DSG4: variants seen among roughly 807,000 people sequenced by gnomAD.
DSG4 encodes desmoglein 4, also known as desmoglein-4.
In DSG4, 87 loss-of-function variants were observed where a neutral mutation model predicts 93.1. The ratio of observed to expected loss-of-function variants is 0.93; its 90% confidence interval spans 0.79 to 1.12. The LOEUF is 1.12. DSG4 is among the 50% of genes most tolerant of loss of function. The probability of loss-of-function intolerance (pLI) is 0.00; values close to 1 mark genes in which losing one functional copy is unlikely to be tolerated. For missense variants in DSG4, 1,373 were observed against 1,285.7 expected (o/e 1.07, Z -1.04); for synonymous variants, 432 against 452.9 (o/e 0.95, Z 0.59).
chr18:31,378,336 C>A lies in DSG4; in HGVS notation c.48+1377C>A, dbSNP rs139206371. ...AATAGTAAGTTATGAGGATATACCT[C>A]TTGTTACTCTTCTACCGAGTATATT... On this transcript the variant is annotated intron_variant, in intron 1 of 15. Coordinates refer to ENST00000308128, the MANE Select transcript of DSG4 (RefSeq NM_177986.5). 1.5e-3 allele frequency among the ~76,000 whole-genome samples: 235 copies of A among 152,280 alleles called. 2 individuals are homozygous for A. Among genetic ancestry groups the A allele is most frequent in the African/African-American group, 5.2e-3 (217 of 41,556 alleles).
At chr18:31,405,547 T>C (rs1028357597) in intron 11 of DSG4, among the ~76,000 whole-genome samples, 1 of 151,818 alleles carries the variant, frequency 6.6e-6, no homozygotes, top group African/African-American at 2.4e-5. Context: ...GCAATACTTA[T>C]TTAAAAATTA....
At chr18:31,390,937 T>C in intron 6 of DSG4, 115 bp downstream of exon 6, 2 of 1,497,784 alleles carry the variant, frequency 1.3e-6, no homozygotes, top group South Asian at 2.5e-5. Flanking sequence ...AAATAATCCA[T>C]TTTTAATAAA....
intron 12 of DSG4, 60 bp downstream of exon 12, chr18:31,406,433 C>T: frequency 1.2e-6 from 2 of 1,602,996 alleles, no homozygotes; most frequent in Non-Finnish European, 8.5e-7. Context: ...TGTTACGAGG[C>T]TCGCTGGGAT....
At chr18:31,412,765 T>G in intron 15 of DSG4, 63 bp from the exon 16 acceptor site, 1 of 1,566,398 alleles carries the variant, frequency 6.4e-7, no homozygotes, top group South Asian at 1.1e-5. Context: ...GAGGGATTGC[T>G]GTTATTCTTC....
At chr18:31,405,898 A>T (rs1177293224) in intron 11 of DSG4, among the ~76,000 whole-genome samples, 179 bp from the exon 12 acceptor site, 1 of 128,980 alleles carries the variant, frequency 7.8e-6, no homozygotes, top group Non-Finnish European at 1.7e-5. Flanking sequence ...AATAACAAGA[A>T]TAATAATAAT....
At position 31,413,546 on chromosome 18, in the gene DSG4, C is replaced by A. The variant is rs1376598112; in HGVS notation, c.3074C>A (p.Ser1025Tyr). ...GTTGGCTCCACATCCCCCATGACATCTCGACACAGAGTAACACGATACAGT... is the reference window on the plus strand; with the variant it reads ...GTTGGCTCCACATCCCCCATGACATATCGACACAGAGTAACACGATACAGT... Reference protein sequence around the residue: ...QTVGSTSPMTSRHRVTRYSNI... With the variant: ...QTVGSTSPMTYRHRVTRYSNI... Residue 1025 changes from serine to tyrosine, a missense_variant, in exon 16 of 16, where the codon TCT (serine) becomes TAT (tyrosine). Transcript: ENST00000308128. 1 of 1,614,100 alleles carries A rather than the reference C, an allele frequency of 6.2e-7. No individual in the cohort carries two copies. Among genetic ancestry groups the A allele is most frequent in the Non-Finnish European group, 8.5e-7 (1 of 1,180,020 alleles).
intron 4 of DSG4, 69 bp downstream of exon 4, chr18:31,388,591 T>G: frequency 1.3e-6 from 2 of 1,579,560 alleles, no homozygotes; most frequent in Non-Finnish European, 1.7e-6. Context: ...AATATTATCT[T>G]AAGATAATGG....
chr18:31,390,151 G>A (rs796764175), intron 5 of DSG4, among the ~76,000 whole-genome samples: 2 of 152,126 alleles, frequency 1.3e-5, no homozygotes, highest in Non-Finnish European at 2.9e-5. Flanking sequence ...ATTTGTGACT[G>A]TTTGGTAAAA....
chr18:31,385,252 G>C, intron 2 of DSG4, 81 bp downstream of exon 2: 1 of 1,002,180 alleles, frequency 1.0e-6, no homozygotes, highest in African/African-American at 1.6e-5. Context: ...ATAAAAATCA[G>C]AATATTTGAA....
intron 8 of DSG4, among the ~76,000 whole-genome samples, chr18:31,395,271 TAA>T (rs10708419): frequency 7.8e-4 from 102 of 130,116 alleles, no homozygotes; most frequent in Admixed American, 3.8e-3. Context: ...ACTTAATTGC[TAA>T]AAAAAAAAAA....
intron 2 of DSG4, among the ~76,000 whole-genome samples, chr18:31,386,322 C>T (rs1231842242): frequency 2.0e-5 from 3 of 152,068 alleles, no homozygotes; most frequent in Non-Finnish European, 4.4e-5. Flanking sequence ...ACTCTGCAGT[C>T]TGTAAATTCT....
rs1322450379 is a variant in DSG4 at position 31,388,415 on chromosome 18, G to A, written c.265G>A (p.Gly89Arg). The stretch of plus-strand genomic sequence containing the variant: ...CCAGAAGATAACATACCGGATTTCT[G>A]GAGTAGGGATTGATCGACCACCATA... Reference protein sequence around the residue: ...SNQKITYRISGVGIDRPPYGV... With the variant: ...SNQKITYRISRVGIDRPPYGV... The change falls in exon 4 of 16, where the codon GGA becomes AGA. Residue 89 changes from glycine to arginine, a missense_variant. Coordinates refer to ENST00000308128, the MANE Select transcript of DSG4 (RefSeq NM_177986.5). 1 of 1,613,494 alleles carries A rather than the reference G, an allele frequency of 6.2e-7. No individual in the cohort carries two copies.
chr18:31,411,563 C>A, intron 15 of DSG4, 115 bp downstream of exon 15: 1 of 1,242,578 alleles, frequency 8.0e-7, no homozygotes, highest in Non-Finnish European at 1.1e-6. Flanking sequence ...TCAACCCTAT[C>A]CCAAACCTGA....
In DSG4 at chr18:31,411,398, T is replaced by A. The variant is rs200571863; in HGVS notation, c.2305T>A (p.Tyr769Asn). The A allele has an allele frequency of 3.5e-4, 568 of 1,611,048 alleles. 3 individuals are homozygous for A. Among genetic ancestry groups the A allele is most frequent in the Non-Finnish European group, 1.1e-4 (133 of 1,179,896 alleles). ...RSSTMGTLRD[Y>N]ADADINMAFL... ...CTCTACCATGGGAACCCTGCGGGAC[T>A]ACGCTGACGCAGACATCAACATGGC... The change falls in exon 15 of 16, where the codon TAC becomes AAC. Residue 769 changes from tyrosine to asparagine, a missense_variant. Transcript: ENST00000308128.
chr18:31,405,954 T>C (rs2072419542), intron 11 of DSG4, 123 bp from the exon 12 acceptor site: 1 of 1,003,058 alleles, frequency 1.0e-6, no homozygotes, highest in Non-Finnish European at 1.5e-6. Context: ...AGGTGCTTTA[T>C]GACTAAGAAA....
intron 9 of DSG4, 32 bp downstream of exon 9, chr18:31,399,575 T>G (rs1290547019): frequency 6.2e-7 from 1 of 1,613,262 alleles, no homozygotes; most frequent in Non-Finnish European, 8.5e-7. Flanking sequence ...TGTTCTATGG[T>G]TCTATCCAGT....
chr18:31,391,119 G>T lies in DSG4; in HGVS notation c.726G>T (p.Arg242=). The part of the protein sequence containing the change: ...MYNLVVRGSD[R]DGAADGLSSE... The stretch of plus-strand genomic sequence containing the variant: ...ACCTGGTTGTGAGAGGCTCAGATCG[G>T]GATGGAGCTGCAGATGGACTGTCTT... The change falls in exon 7 of 16, where the codon CGG becomes CGT. Residue 242 remains arginine, a synonymous_variant. Coordinates refer to ENST00000308128, the MANE Select transcript of DSG4 (RefSeq NM_177986.5). 2 of 1,613,778 alleles carry T rather than the reference G, an allele frequency of 1.2e-6. No individual in the cohort carries two copies. Among genetic ancestry groups the T allele is most frequent in the South Asian group, 1.1e-5 (1 of 91,070 alleles).
Position 31,400,853 on chromosome 18 carries a change from GATAACGAACTT to G in DSG4, c.1278-27_1278-17del, listed in dbSNP as rs1351725292. The G allele has an allele frequency of 6.2e-6, 10 of 1,609,514 alleles. No homozygotes were observed. The highest frequency in any genetic ancestry group is 8.5e-6 in the Non-Finnish European group (10 of 1,177,492). On this transcript the variant is annotated splice_polypyrimidine_tract_variant and intron_variant, in intron 9 of 15. Transcript: ENST00000308128. Reference sequence around the variant, plus strand: ...AAAGTACTAACTTTCATAAAAGCATGATAACGAACTTTTTTATTTAAAAACAGATATATCAT... The same window carrying G: ...AAAGTACTAACTTTCATAAAAGCATGTTTTATTTAAAAACAGATATATCAT...
rs1384407099 is a variant in DSG4 at position 31,388,370 on chromosome 18, C to T, written c.220C>T (p.Arg74Ter). 1.1e-5 allele frequency: 17 copies of T among 1,612,802 alleles called. No homozygotes were observed. The highest frequency in any genetic ancestry group is 2.2e-5 in the East Asian group (1 of 44,830). ...ATCCTAGCTATTTTTCTTATAGATTCGATCAGACTGCGAATCGAACCAGAA... is the reference window on the plus strand; with the variant it reads ...ATCCTAGCTATTTTTCTTATAGATTTGATCAGACTGCGAATCGAACCAGAA... Reference protein sequence around the residue: ...NSKRNPIAKIRSDCESNQKIT... With the variant: ...NSKRNPIAKI The change falls in exon 4 of 16, where the codon CGA becomes TGA. Residue 74 changes from arginine to a stop codon, truncating the protein, a stop_gained. Coordinates refer to ENST00000308128, the MANE Select transcript of DSG4 (RefSeq NM_177986.5). LOFTEE classifies it high-confidence loss of function.
Sources: gnomAD v4.1 joint callset for allele counts (sites outside exome capture counted in the v4.1 genomes callset) on GRCh38, gnomAD v4.1.1 for gene constraint, MANE v1.5 for transcripts, NCBI Gene and HGNC (gene_info 2026-07-23, HGNC 2026-07-21) for gene names.